Variants in ELAVL2 observed in about 807,000 individuals in gnomAD.
ELAVL2 encodes ELAV like RNA binding protein 2, also known as ELAV-like protein 2.
In ELAVL2, 4 loss-of-function variants were observed where a neutral mutation model predicts 34.6. The ratio of observed to expected loss-of-function variants is 0.12; its 90% CI spans 0.06 to 0.26. The LOEUF (loss-of-function observed/expected upper bound fraction) is 0.26, where lower values mean the gene tolerates loss of function less well. Among genes scored for constraint, ELAVL2 ranks in the 10% least tolerant of loss-of-function variants. The probability of loss-of-function intolerance (pLI) is 1.00; values close to 1 mark genes in which losing one functional copy is unlikely to be tolerated. For missense variants in ELAVL2, 432 were observed against 442.8 expected (o/e 0.98, Z 0.22); for synonymous variants, 193 against 154.8 (o/e 1.25, Z -1.83).
intron 1 of ELAVL2, among the ~76,000 whole-genome samples, chr9:23,824,535 G>A (rs2065163734): frequency 6.6e-6 from 1 of 152,016 alleles, no homozygotes; most frequent in African/African-American, 2.4e-5. Flanking sequence ...TGCCTCTCGA[G>A]CACCACATGA....
chr9:23,764,976 T>G (rs1459497987), intron 1 of ELAVL2: 1 of 1,599,464 alleles, frequency 6.3e-7, no homozygotes, highest in South Asian at 1.1e-5. Context: ...TAAAAAAAAG[T>G]AGCCTACAGA....
At chr9:23,693,305 T>C (rs1363686199) in intron 6 of ELAVL2, 143 bp downstream of exon 6, 1 of 1,029,224 alleles carries the variant, frequency 9.7e-7, no homozygotes, top group Non-Finnish European at 1.4e-6. Flanking sequence ...CAATTGTGCT[T>C]CAAAGAGCAG....
intron 4 of ELAVL2, among the ~76,000 whole-genome samples, chr9:23,702,674 T>C (rs727759): frequency 6.6e-6 from 1 of 151,940 alleles, no homozygotes; most frequent in African/African-American, 2.4e-5. Context: ...AGACAAAGCA[T>C]TTTTTCCACA....
chr9:23,734,428 A>G (rs945925863), intron 2 of ELAVL2, among the ~76,000 whole-genome samples: 1 of 152,174 alleles, frequency 6.6e-6, no homozygotes. Flanking sequence ...AGCTTCTACA[A>G]ATCAAAAAGG....
At chr9:23,798,003 G>A (rs958615308) in intron 1 of ELAVL2, among the ~76,000 whole-genome samples, 1 of 152,184 alleles carries the variant, frequency 6.6e-6, no homozygotes, top group Non-Finnish European at 1.5e-5. Flanking sequence ...AAGAGAAAAA[G>A]TTATTTGGCT....
chr9:23,783,475 AAAC>A (rs1359989389), intron 1 of ELAVL2: 7 of 985,478 alleles, frequency 7.1e-6, no homozygotes, highest in East Asian at 1.1e-4. Flanking sequence ...ACTAACCTGA[AAAC>A]AACGAGGTTC....
At chr9:23,741,251 G>A (rs914525137) in intron 2 of ELAVL2, among the ~76,000 whole-genome samples, 9 of 152,138 alleles carry the variant, frequency 5.9e-5, no homozygotes, top group African/African-American at 1.9e-4. Context: ...TACGCTGAAC[G>A]TAAGGCATCT....
intron 1 of ELAVL2, among the ~76,000 whole-genome samples, chr9:23,803,733 G>C (rs1049098936): frequency 3.3e-5 from 5 of 152,138 alleles, no homozygotes; most frequent in African/African-American, 1.2e-4. Flanking sequence ...TCTTCTCCTG[G>C]GGGGTTGCGG....
chr9:23,717,357 A>C (rs780041925), intron 3 of ELAVL2, among the ~76,000 whole-genome samples: 1 of 152,204 alleles, frequency 6.6e-6, no homozygotes, highest in Non-Finnish European at 1.5e-5. Flanking sequence ...TACTTGATCC[A>C]CCCAAAATTC....
intron 3 of ELAVL2, among the ~76,000 whole-genome samples, chr9:23,710,445 TCAGTGA>T (rs2040616727): frequency 6.6e-6 from 1 of 152,222 alleles, no homozygotes; most frequent in Non-Finnish European, 1.5e-5. Flanking sequence ...AATGGAAAGA[TCAGTGA>T]CAGTGGACAT....
At chr9:23,789,921 G>C (rs1348778164) in intron 1 of ELAVL2, among the ~76,000 whole-genome samples, 1 of 152,094 alleles carries the variant, frequency 6.6e-6, no homozygotes, top group Admixed American at 6.5e-5. Flanking sequence ...ATGTATACAG[G>C]TAGGACACTC....
intron 3 of ELAVL2, among the ~76,000 whole-genome samples, chr9:23,716,988 T>C (rs922426267): frequency 5.9e-5 from 9 of 152,284 alleles, no homozygotes; most frequent in South Asian, 2.1e-4. Context: ...TGTTGGTAAG[T>C]ATTATCAGAC....
intron 1 of ELAVL2, among the ~76,000 whole-genome samples, chr9:23,777,550 G>A (rs2058413241): frequency 6.6e-6 from 1 of 152,118 alleles, no homozygotes; most frequent in Admixed American, 6.5e-5. Flanking sequence ...ACAAAGATCT[G>A]GAGACTGCAG....
chr9:23,735,076 C>G (rs1214969689), intron 2 of ELAVL2, among the ~76,000 whole-genome samples: 2 of 79,850 alleles, frequency 2.5e-5, no homozygotes, highest in African/African-American at 9.5e-5. Context: ...AAAGACTATT[C>G]TGACCAAAAT....
intron 3 of ELAVL2, among the ~76,000 whole-genome samples, chr9:23,724,874 A>AT (rs376836188): frequency 5.3e-4 from 79 of 149,532 alleles, no homozygotes; most frequent in South Asian, 8.5e-4. Context: ...TACTTTTTCA[A>AT]TTTTTTTTTT....
intron 1 of ELAVL2, among the ~76,000 whole-genome samples, chr9:23,789,297 A>C (rs2060067108): frequency 6.6e-6 from 1 of 152,154 alleles, no homozygotes; most frequent in Non-Finnish European, 1.5e-5. Flanking sequence ...GTTTTCCTAA[A>C]TGGTAAGGTG....
chr9:23,753,126 T>G (rs955007230), intron 2 of ELAVL2, among the ~76,000 whole-genome samples: 1 of 152,164 alleles, frequency 6.6e-6, no homozygotes, highest in Non-Finnish European at 1.5e-5. Context: ...ATTAAGCCAC[T>G]GTATAGACCT....
intron 1 of ELAVL2, among the ~76,000 whole-genome samples, chr9:23,806,556 A>C (rs2062246159): frequency 6.6e-6 from 1 of 152,094 alleles, no homozygotes; most frequent in Non-Finnish European, 1.5e-5. Flanking sequence ...AGGATCCCTA[A>C]AAGCCCAGGA....
chr9:23,722,740 C>T (rs1441426430), intron 3 of ELAVL2, among the ~76,000 whole-genome samples: 3 of 152,214 alleles, frequency 2.0e-5, no homozygotes, highest in African/African-American at 7.2e-5. Context: ...TCCCTTTTAA[C>T]CTGAGCTTTA....
Sources: gnomAD v4.1 joint callset for allele counts (sites outside exome capture counted in the v4.1 genomes callset) on GRCh38, gnomAD v4.1.1 for gene constraint, MANE v1.5 for transcripts, NCBI Gene and HGNC (gene_info 2026-07-23, HGNC 2026-07-21) for gene names.